The following AUH variants were observed in gnomAD, a reference collection of about 807,000 sequenced individuals.
AUH encodes the protein methylglutaconyl-CoA hydratase, mitochondrial.
Under a neutral mutation model 42.3 loss-of-function variants are expected in AUH, and 29 were observed. The observed-to-expected ratio is 0.69, with a 90% CI of 0.51 to 0.93. The LOEUF (loss-of-function observed/expected upper bound fraction) is 0.93. Ranked by LOEUF, AUH falls within the 40% of genes least tolerant of loss-of-function variation. The pLI is 0.00. For missense variants in AUH, 452 were observed against 438.1 expected, an observed-to-expected ratio of 1.03 and a Z score of -0.28; for synonymous variants, 174 against 166.4, an observed-to-expected ratio of 1.05 and a Z score of -0.35.
chr9:91,218,169 A>G (rs868632863), intron 7 of AUH, among the ~76,000 whole-genome samples: 3 of 152,250 alleles, frequency 2.0e-5, no homozygotes, highest in African/African-American at 2.4e-5. Context: ...GACATGGATA[A>G]ATGCATGAAA....
chr9:91,225,629 C>A (rs1167500149), intron 6 of AUH, among the ~76,000 whole-genome samples: 3 of 151,226 alleles, frequency 2.0e-5, no homozygotes, highest in Non-Finnish European at 4.4e-5. Context: ...TATACATGTG[C>A]CATGCTGGTG....
intron 7 of AUH, among the ~76,000 whole-genome samples, chr9:91,219,599 T>C (rs990044686): frequency 5.3e-5 from 8 of 152,258 alleles, no homozygotes; most frequent in African/African-American, 1.9e-4. Context: ...ACTGAATGTA[T>C]GGCTCTGCAC....
At chr9:91,242,925 A>C (rs145447467) in intron 6 of AUH, among the ~76,000 whole-genome samples, 1 of 152,362 alleles carries the variant, frequency 6.6e-6, no homozygotes, top group African/African-American at 2.4e-5. Flanking sequence ...ATTCTTTATC[A>C]AAAGTAGGGC....
chr9:91,236,388 C>T (rs1349722344), intron 6 of AUH, among the ~76,000 whole-genome samples: 4 of 152,156 alleles, frequency 2.6e-5, no homozygotes, highest in African/African-American at 9.7e-5. Flanking sequence ...CTCCCAAGTA[C>T]TCCAAGAGTA....
At chr9:91,276,828 GT>G (rs567165731) in intron 6 of AUH, among the ~76,000 whole-genome samples, 94 of 152,272 alleles carry the variant, frequency 6.2e-4, no homozygotes, top group African/African-American at 2.0e-3. Context: ...AAGACAATGG[GT>G]TTATAAAATA....
chr9:91,328,732 G>C (rs1372468555), intron 3 of AUH, among the ~76,000 whole-genome samples: 1 of 152,190 alleles, frequency 6.6e-6, no homozygotes, highest in Non-Finnish European at 1.5e-5. Flanking sequence ...TACAGAAAAA[G>C]TATTTGATAA....
intron 6 of AUH, among the ~76,000 whole-genome samples, chr9:91,248,524 C>T (rs901814629): frequency 1.3e-5 from 2 of 152,078 alleles, no homozygotes; most frequent in East Asian, 3.9e-4. Context: ...GGGAGTGCCC[C>T]CAGGGGTAGT....
chr9:91,300,411 T>C (rs1036359097), intron 4 of AUH, among the ~76,000 whole-genome samples: 1 of 152,126 alleles, frequency 6.6e-6, no homozygotes. Context: ...CCTCCATTCA[T>C]CAAGTTACTC....
chr9:91,355,600 A>C (rs1832348173), intron 3 of AUH, among the ~76,000 whole-genome samples: 2 of 152,150 alleles, frequency 1.3e-5, no homozygotes, highest in South Asian at 4.1e-4. Flanking sequence ...CAATTAAGAC[A>C]CAACAAACAA....
chr9:91,310,952 T>C (rs538072004), intron 4 of AUH, among the ~76,000 whole-genome samples: 2 of 152,334 alleles, frequency 1.3e-5, no homozygotes, highest in South Asian at 2.1e-4. Context: ...TTGTTTTGCA[T>C]TACTTTGAGC....
chr9:91,250,487 T>C (rs1003573285), intron 6 of AUH, among the ~76,000 whole-genome samples: 14 of 152,198 alleles, frequency 9.2e-5, no homozygotes, highest in Non-Finnish European at 1.8e-4. Context: ...CAGGTGAGTC[T>C]CTTATATTCC....
chr9:91,349,382 G>T (rs1831774007), intron 3 of AUH, among the ~76,000 whole-genome samples: 1 of 152,008 alleles, frequency 6.6e-6, no homozygotes, highest in Non-Finnish European at 1.5e-5. Flanking sequence ...AATTTCAAAA[G>T]AAAAAATCCT....
chr9:91,356,702 C>T (rs1281562736), intron 1 of AUH, among the ~76,000 whole-genome samples: 1 of 152,136 alleles, frequency 6.6e-6, no homozygotes, highest in Non-Finnish European at 1.5e-5. Flanking sequence ...CTCCTAACTG[C>T]CCCACTTTTT....
At chr9:91,346,857 A>AT (rs1424616818) in intron 3 of AUH, among the ~76,000 whole-genome samples, 1 of 149,184 alleles carries the variant, frequency 6.7e-6, no homozygotes, top group Non-Finnish European at 1.5e-5. Flanking sequence ...ATGACTCAGA[A>AT]TTTAAAAAAA....
chr9:91,322,899 A>G (rs1247634641), intron 4 of AUH, among the ~76,000 whole-genome samples: 1 of 152,244 alleles, frequency 6.6e-6, no homozygotes, highest in Admixed American at 6.5e-5. Context: ...AACACAACTC[A>G]GTATAATAAA....
intron 6 of AUH, among the ~76,000 whole-genome samples, chr9:91,234,006 T>C (rs1828037061): frequency 6.6e-6 from 1 of 152,214 alleles, no homozygotes; most frequent in Admixed American, 6.5e-5. Flanking sequence ...CAGATGTTTG[T>C]ACTATTTGTG....
chr9:91,359,925 C>G (rs1309167148), intron 1 of AUH, among the ~76,000 whole-genome samples: 1 of 151,714 alleles, frequency 6.6e-6, no homozygotes, highest in Non-Finnish European at 1.5e-5. Context: ...AAGCCTGAGT[C>G]GTCATTCTTG....
At chr9:91,218,943 T>C in intron 7 of AUH, 7 of 985,276 alleles carry the variant, frequency 7.1e-6, no homozygotes, top group Non-Finnish European at 8.4e-6. Flanking sequence ...ATCAACATCT[T>C]CTTATTTGTT....
chr9:91,321,147 AATC>A (rs1206878350), intron 4 of AUH, among the ~76,000 whole-genome samples: 1 of 152,168 alleles, frequency 6.6e-6, no homozygotes, highest in Non-Finnish European at 1.5e-5. Context: ...TTTGGCTAGT[AATC>A]TTCAGGTACA....
Sources: allele counts gnomAD v4.1 joint callset (sites outside exome capture counted in the v4.1 genomes callset), GRCh38; gene constraint gnomAD v4.1.1; transcripts MANE v1.5; gene names NCBI Gene and HGNC (gene_info 2026-07-23, HGNC 2026-07-21).